The following ZNF875 variants were observed in gnomAD, a reference collection of about 807,000 sequenced individuals.
ZNF875 encodes the protein HKR1, GLI-Kruppel zinc finger family member.
A neutral mutation model predicts 11.2 loss-of-function variants in ZNF875; 14 were observed. That is an observed-to-expected ratio of 1.26 (90% CI 0.83 to 1.96). ZNF875 has a LOEUF of 1.96. Ranked by LOEUF, ZNF875 falls within the 30% of genes most tolerant of loss-of-function variation. ZNF875 has a pLI of 0.00. For missense variants in ZNF875, 752 were observed against 760.4 expected, an observed-to-expected ratio of 0.99 and a Z score of 0.13; for synonymous variants, 301 against 281.1, an observed-to-expected ratio of 1.07 and a Z score of -0.71.
intron 4 of ZNF875, chr19:37,358,131 A>C: frequency 5.7e-6 from 1 of 174,202 alleles, no homozygotes; most frequent in Non-Finnish European, 1.1e-5. Context: ...TATTAAGATG[A>C]TCTTTTTTTT....
At chr19:37,338,431 T>C (rs1170084961) in intron 2 of ZNF875, among the ~76,000 whole-genome samples, 1 of 152,158 alleles carries the variant, frequency 6.6e-6, no homozygotes, top group Non-Finnish European at 1.5e-5. Flanking sequence ...CCTTTTTGTG[T>C]GTACTTTCTT....
chr19:37,348,635 T>C (rs2037284547), intron 4 of ZNF875, among the ~76,000 whole-genome samples: 1 of 152,258 alleles, frequency 6.6e-6, no homozygotes, highest in African/African-American at 2.4e-5. Context: ...TATAATATTG[T>C]ATTTTATGCA....
chr19:37,352,320 C>T (rs1371588187), intron 4 of ZNF875, among the ~76,000 whole-genome samples: 9 of 152,020 alleles, frequency 5.9e-5, no homozygotes, highest in Non-Finnish European at 1.3e-4. Flanking sequence ...CCAAACACCT[C>T]TTAAAGGCCT....
chr19:37,347,263 G>T lies in ZNF875; in HGVS notation c.107G>T (p.Arg36Met). Residue 36 changes from arginine (R) to methionine (M), a missense_variant, in exon 3 of 5, where the codon AGG (arginine) becomes ATG (methionine). Arg to Met is a moderately conservative substitution (Grantham distance 91). Transcript: ENST00000392153. ...EEWRLLSPAQ[R>M]TLHREVMLET... Reference sequence around the variant, plus strand: ...TGGAGGTTGTTGAGCCCTGCTCAGAGGACCCTGCACAGGGAGGTGATGCTG... The same window carrying T: ...TGGAGGTTGTTGAGCCCTGCTCAGATGACCCTGCACAGGGAGGTGATGCTG... 1 of 1,614,112 alleles carries T rather than the reference G, an allele frequency of 6.2e-7. No homozygotes were observed. Among genetic ancestry groups the T allele is most frequent in the South Asian group, 1.1e-5 (1 of 91,088 alleles).
chr19:37,313,645 C>A (rs2030056693), upstream of ZNF875, among the ~76,000 whole-genome samples: 1 of 152,128 alleles, frequency 6.6e-6, no homozygotes, highest in Non-Finnish European at 1.5e-5. Flanking sequence ...TTTCCCATCC[C>A]CGATTCCAGG....
chr19:37,338,627 A>G (rs1006928528), intron 2 of ZNF875, among the ~76,000 whole-genome samples: 1 of 152,238 alleles, frequency 6.6e-6, no homozygotes, highest in South Asian at 2.1e-4. Context: ...CTCAGGAAAA[A>G]TTAAAGGGCA....
intron 4 of ZNF875, among the ~76,000 whole-genome samples, chr19:37,326,359 T>G (rs747252113): frequency 2.6e-5 from 4 of 152,156 alleles, no homozygotes; most frequent in Non-Finnish European, 4.4e-5. Flanking sequence ...CCCTGCAGTC[T>G]GTGACTATCG....
At chr19:37,332,432 G>T (rs1327403526), upstream of ZNF875, among the ~76,000 whole-genome samples, 1 of 152,114 alleles carries the variant, frequency 6.6e-6, no homozygotes, top group Non-Finnish European at 1.5e-5. Context: ...GGCCAGGCTG[G>T]TCTCGAACTC....
intron 2 of ZNF875, chr19:37,344,549 T>C (rs1450882169): frequency 1.4e-5 from 10 of 736,498 alleles, no homozygotes; most frequent in Non-Finnish European, 2.2e-5. Flanking sequence ...GCTAGAATCC[T>C]ACGGTAAGGC....
At chr19:37,341,654 T>G (rs1233664254) in intron 2 of ZNF875, among the ~76,000 whole-genome samples, 1 of 152,062 alleles carries the variant, frequency 6.6e-6, no homozygotes, top group Admixed American at 6.5e-5. Flanking sequence ...GATTTATTGG[T>G]CCCAATGATT....
chr19:37,316,587 C>A (rs192719687), upstream of ZNF875, among the ~76,000 whole-genome samples: 87 of 151,636 alleles, frequency 5.7e-4, 1 homozygote, highest in African/African-American at 1.8e-3. Context: ...CCAGGATGGT[C>A]TCGAACTCCA....
upstream of ZNF875, among the ~76,000 whole-genome samples, chr19:37,314,228 T>G (rs2030085468): frequency 6.6e-6 from 1 of 152,128 alleles, no homozygotes; most frequent in Admixed American, 6.5e-5. Context: ...CCTCCCACGT[T>G]AACCTACCTA....
At chr19:37,335,672 C>T (rs2034215203) in intron 2 of ZNF875, among the ~76,000 whole-genome samples, 1 of 152,170 alleles carries the variant, frequency 6.6e-6, no homozygotes, top group Non-Finnish European at 1.5e-5. Flanking sequence ...TGCAAGACTG[C>T]ATCCTTCCAA....
At chr19:37,317,299 C>T (rs888436837), upstream of ZNF875, among the ~76,000 whole-genome samples, 4 of 146,998 alleles carry the variant, frequency 2.7e-5, no homozygotes, top group African/African-American at 1.0e-4. Flanking sequence ...CATTCTCCTG[C>T]CTCAGCCTCT....
intron 2 of ZNF875, among the ~76,000 whole-genome samples, chr19:37,344,324 C>G (rs534963416): frequency 1.3e-5 from 2 of 152,228 alleles, no homozygotes; most frequent in South Asian, 2.1e-4. Context: ...GGGCTCCCCC[C>G]GCAATTTCTG....
chr19:37,363,887 A>G lies in ZNF875; in HGVS notation c.*112A>G, dbSNP rs747095051. ...GCTTTTTCAGCCATTGCTAGATACC[A>G]AAGTGGAGACATTCTGTGTGTGATT... On this transcript the variant is annotated 3_prime_UTR_variant, in exon 5 of 5. Transcript: ENST00000392153. The G allele has an allele frequency of 5.4e-5, 43 of 792,744 alleles. No individual in the cohort carries two copies. Among genetic ancestry groups the G allele is most frequent in the Non-Finnish European group, 8.1e-5 (39 of 481,260 alleles). The allele number at this position is 792,744 out of a possible 1,614,324, so 49.1% of individuals were successfully genotyped here.
chr19:37,339,308 C>G (rs2146028789), intron 2 of ZNF875, among the ~76,000 whole-genome samples: 1 of 152,108 alleles, frequency 6.6e-6, no homozygotes, highest in East Asian at 1.9e-4. Flanking sequence ...AACACTTATC[C>G]CACTGAAAAT....
At chr19:37,327,370 T>C (rs2032650683) in intron 4 of ZNF875, among the ~76,000 whole-genome samples, 1 of 152,344 alleles carries the variant, frequency 6.6e-6, no homozygotes, top group Non-Finnish European at 1.5e-5. Flanking sequence ...CTATATGTTT[T>C]AGGATGTAAT....
intron 4 of ZNF875, among the ~76,000 whole-genome samples, chr19:37,324,619 C>T (rs117951988): frequency 6.6e-6 from 1 of 152,218 alleles, no homozygotes; most frequent in Non-Finnish European, 1.5e-5. Flanking sequence ...AATATTCTAC[C>T]CCTAACATTA....
Sources: allele counts gnomAD v4.1 joint callset (sites outside exome capture counted in the v4.1 genomes callset), GRCh38; gene constraint gnomAD v4.1.1; transcripts MANE v1.5; gene names NCBI Gene and HGNC (gene_info 2026-07-23, HGNC 2026-07-21).